The following MBD5 variants were observed in gnomAD, a reference collection of about 807,000 sequenced individuals.
The protein encoded by MBD5 is methyl-CpG binding domain protein 5.
MBD5 carries 13 observed loss-of-function variants against 117.3 expected under a neutral mutation model. That is an observed-to-expected ratio of 0.11 (90% confidence interval 0.07 to 0.18). The LOEUF is 0.18. Ranked by LOEUF, MBD5 falls within the 10% of genes least tolerant of loss-of-function variation. The pLI is 1.00. For missense variants in MBD5, 1,879 were observed against 2,093.8 expected (o/e 0.90, Z 2.00); for synonymous variants, 727 against 766.4 (o/e 0.95, Z 0.85).
chr2:148,330,115 A>ACT (rs1553501697), intron 3 of MBD5, among the ~76,000 whole-genome samples: 10 of 127,526 alleles, frequency 7.8e-5, no homozygotes, highest in African/African-American at 2.2e-4. Flanking sequence ...ACACACACAC[A>ACT]CACTCTACCT....
chr2:148,040,041 G>A lies in MBD5; in HGVS notation c.-925+18357G>A, dbSNP rs80313699. Among the ~76,000 whole-genome samples the A allele has an allele frequency of 3.1e-4, 47 of 152,116 alleles. 2 individuals are homozygous for A. In the East Asian group the frequency reaches 8.9e-3, roughly 29 times the overall value. On this transcript the variant is annotated intron_variant, in intron 1 of 13. Coordinates refer to ENST00000642680, the MANE Select transcript of MBD5 (RefSeq NM_001378120.1). ...TACAAAAAATTTAAAAATTAAGGGC[G>A]GGAGGAGGGAGAGGATCAAAAAACT...
Position 148,340,813 on chromosome 2 carries a change from C to G in MBD5, c.-679-1401C>G, listed in dbSNP as rs181414755. 2.0e-5 allele frequency among the ~76,000 whole-genome samples: 3 copies of G among 147,940 alleles called. No homozygotes were observed. In the East Asian group the frequency reaches 6.0e-4, roughly 30 times the overall value. On this transcript the variant is annotated intron_variant, in intron 3 of 13. Coordinates refer to ENST00000642680, the MANE Select transcript of MBD5 (RefSeq NM_001378120.1). ...CTCTATTAATATAATTAACCCCACT[C>G]AGATATTTATTTTAAACCACACATA... is the stretch of plus-strand genomic sequence containing the variant.
intron 13 of MBD5, 27 bp from the exon 14 acceptor site, chr2:148,512,843 G>A: frequency 6.3e-7 from 1 of 1,591,404 alleles, no homozygotes; most frequent in Non-Finnish European, 8.6e-7. Context: ...TGTTGTTGTT[G>A]TTTTTTTTCT....
chr2:148,509,358 C>T (rs1192078314), intron 12 of MBD5, among the ~76,000 whole-genome samples: 1 of 151,954 alleles, frequency 6.6e-6, no homozygotes, highest in East Asian at 1.9e-4. Context: ...ATGGCAGATG[C>T]ACCGTGTGTG....
intron 1 of MBD5, among the ~76,000 whole-genome samples, chr2:148,174,242 G>T (rs1369698132): frequency 6.6e-6 from 1 of 152,094 alleles, no homozygotes; most frequent in South Asian, 2.1e-4. Context: ...GGGAAAGCTG[G>T]ATATCCACAT....
intron 10 of MBD5, 117 bp downstream of exon 10, chr2:148,486,067 GTTAT>G: frequency 1.1e-6 from 1 of 903,294 alleles, no homozygotes; most frequent in Admixed American, 1.8e-5. Flanking sequence ...TCTATTTACT[GTTAT>G]TTCTCAGTCA....
At chr2:148,427,504 C>A (rs1346726236) in intron 4 of MBD5, among the ~76,000 whole-genome samples, 1 of 152,064 alleles carries the variant, frequency 6.6e-6, no homozygotes, top group South Asian at 2.1e-4. Context: ...ATGGATGAAG[C>A]TGGAAACCAT....
chr2:148,052,210 T>TG (rs1694727504), intron 1 of MBD5, among the ~76,000 whole-genome samples: 1 of 134,992 alleles, frequency 7.4e-6, no homozygotes, highest in Non-Finnish European at 1.6e-5. Context: ...TATTGAGTTT[T>TG]TTTTTTTTTT....
At chr2:148,265,321 A>C (rs1700830515) in intron 3 of MBD5, among the ~76,000 whole-genome samples, 1 of 152,232 alleles carries the variant, frequency 6.6e-6, no homozygotes, top group Non-Finnish European at 1.5e-5. Flanking sequence ...GGCTTTGTTC[A>C]ATACATAGAA....
chr2:148,322,993 C>G (rs1702326707), intron 3 of MBD5, among the ~76,000 whole-genome samples: 3 of 140,384 alleles, frequency 2.1e-5, no homozygotes, highest in Non-Finnish European at 3.1e-5. Context: ...TATCCCTCCC[C>G]ACTCCCCCAA....
chr2:148,460,576 G>C (rs893251251), intron 5 of MBD5, among the ~76,000 whole-genome samples: 2 of 152,162 alleles, frequency 1.3e-5, no homozygotes, highest in Admixed American at 6.6e-5. Context: ...GTCTCCAGCT[G>C]CTCCTGCCTC....
At position 148,483,431 on chromosome 2, in the gene MBD5, G is replaced by A. The variant is rs114359726; in HGVS notation, c.2840G>A (p.Gly947Glu). Residue 947 changes from glycine (G) to glutamate (E), a missense_variant, in exon 9 of 14, where the codon GGA (glycine) becomes GAA (glutamate). Transcript: ENST00000642680. Reference protein sequence around the residue: ...NLLNILQPSAGEGKSEINLHP... With the variant: ...NLLNILQPSAEEGKSEINLHP... Reference sequence around the variant, plus strand: ...TTAAATATCCTCCAGCCTTCAGCAGGAGAAGGCAAGTCTGAGATCAACCTC... The same window carrying A: ...TTAAATATCCTCCAGCCTTCAGCAGAAGAAGGCAAGTCTGAGATCAACCTC... 34 of 1,613,952 alleles carry A rather than the reference G, an allele frequency of 2.1e-5. No homozygotes were observed. Among genetic ancestry groups the A allele is most frequent in the Admixed American group, 2.0e-4 (12 of 60,008 alleles).
intron 4 of MBD5, among the ~76,000 whole-genome samples, chr2:148,394,771 T>C (rs1397369331): frequency 1.3e-5 from 2 of 152,152 alleles, no homozygotes; most frequent in African/African-American, 2.4e-5. Context: ...GCTTGCTCTG[T>C]GCCTCTCTTT....
At chr2:148,430,406 A>G (rs1418850899) in intron 4 of MBD5, among the ~76,000 whole-genome samples, 1 of 152,086 alleles carries the variant, frequency 6.6e-6, no homozygotes, top group Admixed American at 6.6e-5. Context: ...AATTTTTTCA[A>G]TTTCATATGT....
chr2:148,337,764 C>A (rs1313512258), intron 3 of MBD5, among the ~76,000 whole-genome samples: 1 of 152,152 alleles, frequency 6.6e-6, no homozygotes, highest in African/African-American at 2.4e-5. Context: ...TATTCTCAGA[C>A]ACAGATAAAA....
At chr2:148,504,850 A>G (rs1681983174) in intron 12 of MBD5, among the ~76,000 whole-genome samples, 1 of 152,206 alleles carries the variant, frequency 6.6e-6, no homozygotes, top group African/African-American at 2.4e-5. Context: ...TATAAGAGGT[A>G]TAAGCGGGAA....
At chr2:148,183,001 G>T (rs952040369) in intron 2 of MBD5, among the ~76,000 whole-genome samples, 1 of 152,142 alleles carries the variant, frequency 6.6e-6, no homozygotes, top group Admixed American at 6.5e-5. Flanking sequence ...AATTAATCCT[G>T]CACTACGACA....
rs1701472351 is a variant in MBD5 at position 148,290,292 on chromosome 2, A to G, written c.-679-51922A>G. On this transcript the variant is annotated intron_variant, in intron 3 of 13. Transcript: ENST00000642680. Reference sequence around the variant, plus strand: ...GTATTACTCTTTAAATGAATGGAAAAGTAAGCTGCTTTTTTTAAATCTAAG... The same window carrying G: ...GTATTACTCTTTAAATGAATGGAAAGGTAAGCTGCTTTTTTTAAATCTAAG... 1.3e-5 allele frequency among the ~76,000 whole-genome samples: 2 copies of G among 151,694 alleles called. 1 individual carries two copies. The highest frequency in any genetic ancestry group is 1.3e-4 in the Admixed American group (2 of 15,188).
At chr2:148,333,287 T>G (rs1443866775) in intron 3 of MBD5, among the ~76,000 whole-genome samples, 1 of 152,146 alleles carries the variant, frequency 6.6e-6, no homozygotes, top group Non-Finnish European at 1.5e-5. Context: ...CTCGATAACA[T>G]GTAATTGGGG....
Sources: gnomAD v4.1 joint callset for allele counts (sites outside exome capture counted in the v4.1 genomes callset) on GRCh38, gnomAD v4.1.1 for gene constraint, MANE v1.5 for transcripts, NCBI Gene and HGNC (gene_info 2026-07-23, HGNC 2026-07-21) for gene names.